ZNF783: variants seen among roughly 807,000 people sequenced by gnomAD.
ZNF783 encodes zinc finger protein 783.
A neutral mutation model predicts 31.3 loss-of-function variants in ZNF783; 25 were observed. That is an observed-to-expected ratio of 0.80 (90% CI 0.58 to 1.11). The LOEUF (loss-of-function observed/expected upper bound fraction) is 1.11. Among genes scored for constraint, ZNF783 ranks in the 50% most tolerant of loss-of-function variants. The pLI is 0.00. For missense variants in ZNF783, 797 were observed against 760.0 expected, an observed-to-expected ratio of 1.05 and a Z score of -0.57; for synonymous variants, 369 against 319.1, an observed-to-expected ratio of 1.16 and a Z score of -1.66.
At chr7:149,265,211 C>T (rs1487316828) in intron 1 of ZNF783, among the ~76,000 whole-genome samples, 1 of 152,204 alleles carries the variant, frequency 6.6e-6, no homozygotes, top group East Asian at 1.9e-4. Context: ...GTCTCTCCAA[C>T]AAGGCTTTTA....
intron 4 of ZNF783, among the ~76,000 whole-genome samples, chr7:149,273,515 C>A (rs1563196931): frequency 6.6e-6 from 1 of 151,640 alleles, no homozygotes; most frequent in African/African-American, 2.4e-5. Flanking sequence ...ATGTTGAGCA[C>A]CTTTTCATAT....
rs1563192533 is a variant in ZNF783 at position 149,262,678 on chromosome 7, G to GC, written c.24+321_24+322insC. On this transcript the variant is annotated intron_variant, in intron 1 of 5. Transcript: ENST00000434415. ...AGTATTGTCCCATTTGAGGCCTCGC[G>GC]GCCCCCCCTACAGCAGGCTGGGCGG... is the stretch of plus-strand genomic sequence containing the variant. Among the ~76,000 whole-genome samples, 319 of 152,294 alleles carry GC rather than the reference G, an allele frequency of 2.1e-3. 2 individuals carry two copies. The highest frequency in any genetic ancestry group is 7.3e-3 in the African/African-American group (302 of 41,590).
In ZNF783 at chr7:149,281,950, C is replaced by T. The variant is rs1195517919; in HGVS notation, c.1248C>T (p.Arg416=). The T allele has an allele frequency of 6.4e-6, 10 of 1,561,032 alleles. No individual in the cohort carries two copies. Among genetic ancestry groups the T allele is most frequent in the Non-Finnish European group, 8.6e-6 (10 of 1,159,554 alleles). Reference sequence around the variant, plus strand: ...GGCTCCCCGAGGAGCCTGAGGGTCGCCGCTCCGTGGCAGGGGGCCGTGCCT... The same window carrying T: ...GGCTCCCCGAGGAGCCTGAGGGTCGTCGCTCCGTGGCAGGGGGCCGTGCCT... The part of the protein sequence containing the change: ...IRWLPEEPEG[R]RSVAGGRALV... The change falls in exon 6 of 6, where the codon CGC becomes CGT. Residue 416 remains arginine, a synonymous_variant. Coordinates refer to ENST00000434415, the MANE Select transcript of ZNF783 (RefSeq NM_001195220.2).
Position 149,278,413 on chromosome 7 carries a change from C to A in ZNF783, c.688C>A (p.Pro230Thr). Reference protein sequence around the residue: ...RMMGTGLPPYPEHLTSPLSPA... With the variant: ...RMMGTGLPPYTEHLTSPLSPA... ...ACATTCTCCAGGCCTCCCTCCGTAT[C>A]CAGAGCACCTCACCAGCCCACTTAG... The change falls in exon 5 of 6, where the codon CCA becomes ACA. Residue 230 changes from proline (P) to threonine (T), a missense_variant. Coordinates refer to ENST00000434415, the MANE Select transcript of ZNF783 (RefSeq NM_001195220.2). 1 of 1,599,366 alleles carries A rather than the reference C, an allele frequency of 6.3e-7. No individual in the cohort carries two copies. Among genetic ancestry groups the A allele is most frequent in the Non-Finnish European group, 8.5e-7 (1 of 1,179,768 alleles).
At chr7:149,264,532 G>C (rs187243583) in intron 1 of ZNF783, among the ~76,000 whole-genome samples, 1 of 152,258 alleles carries the variant, frequency 6.6e-6, no homozygotes, top group Admixed American at 6.5e-5. Context: ...AGCTATTGAA[G>C]AGTTTTAAGC....
rs1218096417 is a variant in ZNF783, at chr7:149,282,263, G to A, written c.1561G>A (p.Val521Met). 1.9e-6 allele frequency: 3 copies of A among 1,593,586 alleles called. No individual in the cohort carries two copies. Among genetic ancestry groups the A allele is most frequent in the Admixed American group, 3.4e-5 (2 of 59,328 alleles). ...CATGCAGACCCACGCCCGAGGCCAG[G>A]TGGGCCCACACTTCCCTGCCGCCCC... ...VHMQTHARGQ[V>M]GPHFPAAPAR... Residue 521 changes from valine to methionine, a missense_variant, in exon 6 of 6, where the codon GTG becomes ATG. Coordinates refer to ENST00000434415, the MANE Select transcript of ZNF783 (RefSeq NM_001195220.2).
chr7:149,264,836 G>A (rs1305116289), intron 1 of ZNF783, among the ~76,000 whole-genome samples: 1 of 143,148 alleles, frequency 7.0e-6, no homozygotes, highest in African/African-American at 2.6e-5. Context: ...TTGCGCCACT[G>A]TACCCCAGCC....
Position 149,267,125 on chromosome 7 carries a change from C to A in ZNF783, c.576C>A (p.Leu192=). The change falls in exon 4 of 6, where the codon CTC becomes CTA. Residue 192 remains leucine, a synonymous_variant. Coordinates refer to ENST00000434415, the MANE Select transcript of ZNF783 (RefSeq NM_001195220.2). Reference sequence around the variant, plus strand: ...ATGCAATCTCCAAACCAGACATCCTCACCCGGATAGAGAGGGGAGAGGAGC... The same window carrying A: ...ATGCAATCTCCAAACCAGACATCCTAACCCGGATAGAGAGGGGAGAGGAGC... ...LDYAISKPDI[L]TRIERGEEPC... The A allele has an allele frequency of 6.3e-7, 1 of 1,599,736 alleles. No individual in the cohort carries two copies. The highest frequency in any genetic ancestry group is 1.1e-5 in the South Asian group (1 of 91,078).
At chr7:149,265,390 C>G (rs969809286) in intron 1 of ZNF783, among the ~76,000 whole-genome samples, 1 of 152,176 alleles carries the variant, frequency 6.6e-6, no homozygotes, top group African/African-American at 2.4e-5. Context: ...TATACCATAT[C>G]CCTGAGCTGG....
chr7:149,276,651 C>CTTTT (rs1159996340), intron 4 of ZNF783: 14 of 606,230 alleles, frequency 2.3e-5, no homozygotes, highest in African/African-American at 2.1e-4. Context: ...ACTTGGGTTA[C>CTTTT]TTTTTATTTA....
At position 149,262,231 on chromosome 7, in the gene ZNF783, A is replaced by T; in HGVS notation, c.-103A>T. The T allele has an allele frequency of 9.2e-7, 1 of 1,087,236 alleles. No individual in the cohort carries two copies. Among genetic ancestry groups the T allele is most frequent in the Non-Finnish European group, 1.2e-6 (1 of 842,226 alleles). 67.3% of individuals were successfully genotyped at this position (1,087,236 alleles called of 1,614,324 possible). On this transcript the variant is annotated 5_prime_UTR_variant, in exon 1 of 6. Coordinates refer to ENST00000434415, the MANE Select transcript of ZNF783 (RefSeq NM_001195220.2). ...TCGCTGCCGCCCGGCAGTAGCTCTCAGGTTAGGCGGGTCCCGCTCCGCTTC... is the reference window on the plus strand; with the variant it reads ...TCGCTGCCGCCCGGCAGTAGCTCTCTGGTTAGGCGGGTCCCGCTCCGCTTC...
At chr7:149,263,906 G>A (rs759876609) in intron 1 of ZNF783, among the ~76,000 whole-genome samples, 2 of 152,158 alleles carry the variant, frequency 1.3e-5, no homozygotes, top group South Asian at 2.1e-4. Flanking sequence ...GAGAAAAAGC[G>A]TTGAGGATTC....
rs989061165 is a variant in ZNF783, at chr7:149,282,521, T to C, written c.*178T>C. The C allele has an allele frequency of 1.7e-5, 10 of 587,924 alleles. No homozygotes were observed. In the African/African-American group the frequency reaches 1.7e-4, roughly 10 times the overall value. 36.4% of individuals were successfully genotyped at this position (587,924 alleles called of 1,614,324 possible). ...TGCTTTCTGTTTCCTGTTTGCACTCTTCGCTGCCTTTTCTGCATTCCTGAC... is the reference window on the plus strand; with the variant it reads ...TGCTTTCTGTTTCCTGTTTGCACTCCTCGCTGCCTTTTCTGCATTCCTGAC... On this transcript the variant is annotated 3_prime_UTR_variant, in exon 6 of 6. Coordinates refer to ENST00000434415, the MANE Select transcript of ZNF783 (RefSeq NM_001195220.2).
rs74971477 is a variant in ZNF783 at position 149,276,492 on chromosome 7, G to A, written c.674-1907G>A. The A allele has an allele frequency of 1.3e-3, 1,282 of 985,482 alleles. 10 individuals are homozygous for A. The African/African-American group carries it at 0.021, about 16-fold the overall frequency. 61.0% of individuals were successfully genotyped at this position (985,482 alleles called of 1,614,324 possible). A position where few individuals can be genotyped will look rare whatever the true frequency, so the allele number is the denominator to read the frequency against. On this transcript the variant is annotated intron_variant, in intron 4 of 5. Transcript: ENST00000434415. ...CCGTTGGTTTATAACTCTCCCGTAC[G>A]TAAAGGGGAATCGGTAGCAGTGTTA...
At chr7:149,267,278 G>A (rs1797102429) in intron 4 of ZNF783, 56 bp downstream of exon 4, 13 of 1,530,074 alleles carry the variant, frequency 8.5e-6, no homozygotes, top group Non-Finnish European at 1.0e-5. Context: ...CTGCACCATC[G>A]CCTACCCTCT....
At chr7:149,279,639 T>TG (rs1797414664) in intron 5 of ZNF783, among the ~76,000 whole-genome samples, 1 of 147,278 alleles carries the variant, frequency 6.8e-6, no homozygotes, top group African/African-American at 2.4e-5. Context: ...TTTGTTTTTT[T>TG]TTTTTTTTTT....
At position 149,282,373 on chromosome 7, in the gene ZNF783, C is replaced by A; in HGVS notation, c.*30C>A. ...GCAGGAGCCCACAGAGGACCCCTGG[C>A]GGGGTCTCTCCCCTGTGCCTGACGC... On this transcript the variant is annotated 3_prime_UTR_variant, in exon 6 of 6. Transcript: ENST00000434415. The A allele has an allele frequency of 1.4e-6, 2 of 1,440,194 alleles. No homozygotes were observed. Among genetic ancestry groups the A allele is most frequent in the Non-Finnish European group, 1.8e-6 (2 of 1,096,736 alleles). The allele number at this position is 1,440,194 out of a possible 1,614,324, so 89.2% of individuals were successfully genotyped here.
In ZNF783 at chr7:149,278,515, G is replaced by A. The variant is rs751349398; in HGVS notation, c.790G>A (p.Gly264Arg). 3.8e-5 allele frequency: 61 copies of A among 1,599,188 alleles called. No homozygotes were observed. Among genetic ancestry groups the A allele is most frequent in the Admixed American group, 5.0e-5 (3 of 59,980 alleles). Residue 264 changes from glycine to arginine, a missense_variant, in exon 5 of 6, where the codon GGG becomes AGG. Coordinates refer to ENST00000434415, the MANE Select transcript of ZNF783 (RefSeq NM_001195220.2). ...QDSEARVAPA[G>R]PEAGGGVAIK... ...CTCAGAGGCGAGAGTGGCCCCAGCC[G>A]GGCCAGAAGCAGGTGAGTGAGGACA...
In ZNF783 at chr7:149,281,755, C is replaced by T. The variant is rs781004200; in HGVS notation, c.1053C>T (p.Cys351=). The T allele has an allele frequency of 6.7e-7, 1 of 1,493,934 alleles. No individual in the cohort carries two copies. Among genetic ancestry groups the T allele is most frequent in the South Asian group, 1.3e-5 (1 of 75,396 alleles). 92.5% of individuals were successfully genotyped at this position (1,493,934 alleles called of 1,614,324 possible). ...LSRRRQRAFP[C]PDCGQSFRLK... ...GCAGGCGGCAGCGGGCATTCCCCTGCCCCGACTGCGGGCAGAGCTTCCGCC... is the reference window on the plus strand; with the variant it reads ...GCAGGCGGCAGCGGGCATTCCCCTGTCCCGACTGCGGGCAGAGCTTCCGCC... The change falls in exon 6 of 6, where the codon TGC becomes TGT. Residue 351 remains cysteine, a synonymous_variant. Transcript: ENST00000434415.
Sources: allele counts gnomAD v4.1 joint callset (sites outside exome capture counted in the v4.1 genomes callset), GRCh38; gene constraint gnomAD v4.1.1; transcripts MANE v1.5; gene names NCBI Gene and HGNC (gene_info 2026-07-23, HGNC 2026-07-21).